The following ACTR8 variants were observed in gnomAD, a reference collection of about 807,000 sequenced individuals.
ACTR8 encodes actin related protein 8.
In ACTR8, 70 loss-of-function variants were observed where a neutral mutation model predicts 84.3. The observed-to-expected ratio is 0.83, with a 90% CI of 0.68 to 1.01. ACTR8 has a LOEUF of 1.01. ACTR8 is among the 50% of genes least tolerant of loss of function. The pLI is 0.00. For synonymous variants in ACTR8, 268 were observed against 275.2 expected (o/e 0.97, Z 0.26); for missense variants, 672 against 775.4 (o/e 0.87, Z 1.58).
At position 53,867,696 on chromosome 3, in the gene ACTR8, C is replaced by G. The variant is rs1699814918; in HGVS notation, c.*1023G>C. On this transcript the variant is annotated 3_prime_UTR_variant, in exon 13 of 13. Coordinates refer to ENST00000335754, the MANE Select transcript of ACTR8 (RefSeq NM_022899.5). ...CCTCCCAGAGCTCTGGGCTCCCAGA[C>G]TGTGTTCCTACCTCTGGACAATGCT... 6.6e-6 allele frequency: 1 copy of G among 152,252 alleles called. No individual in the cohort carries two copies. Among genetic ancestry groups the G allele is most frequent in the Admixed American group, 6.5e-5 (1 of 15,284 alleles). The allele number at this position is 152,252 out of a possible 1,614,324, so 9.4% of individuals were successfully genotyped here.
intron 10 of ACTR8, among the ~76,000 whole-genome samples, chr3:53,871,835 GC>G (rs1184037562): frequency 6.6e-6 from 1 of 152,178 alleles, no homozygotes; most frequent in African/African-American, 2.4e-5. Flanking sequence ...GGATTCATGG[GC>G]CATGACTGTT....
chr3:53,865,462 T>TA (rs1251643285), downstream of ACTR8: 3 of 566,312 alleles, frequency 5.3e-6, no homozygotes, highest in African/African-American at 1.9e-5. Context: ...TATTGCTAAC[T>TA]AATGTAGCAT....
the ACTR8 span, chr3:53,859,676 G>A: frequency 6.5e-6 from 1 of 153,784 alleles, no homozygotes; most frequent in African/African-American, 2.4e-5. Context: ...TTCCTACTGT[G>A]AAAATGCCGG....
downstream of ACTR8, chr3:53,864,954 A>G (rs1699727153): frequency 2.5e-6 from 4 of 1,614,072 alleles, no homozygotes; most frequent in Admixed American, 3.3e-5. Flanking sequence ...TTGCCACTCA[A>G]AAGAAGGCAG....
In ACTR8 at chr3:53,877,310, G is replaced by T. The variant is rs747219601; in HGVS notation, c.588C>A (p.Gly196=). 46 of 1,614,014 alleles carry T rather than the reference G, an allele frequency of 2.9e-5. No individual in the cohort carries two copies. Among genetic ancestry groups the T allele is most frequent in the Non-Finnish European group, 3.8e-5 (45 of 1,179,908 alleles). ...IRRGQLNIHP[G]PGGSLTAVLA... ...GAACAGCTGTAAGAGAGCCCCCAGG[G>T]CCTGGGTGAATATTTAACTGACCTC... is the stretch of plus-strand genomic sequence containing the variant. The change falls in exon 5 of 13, where the codon GGC becomes GGA. Residue 196 remains glycine, a synonymous_variant. Coordinates refer to ENST00000335754, the MANE Select transcript of ACTR8 (RefSeq NM_022899.5).
At chr3:53,877,152 C>T (rs1298918751) in intron 5 of ACTR8, 62 bp downstream of exon 5, 27 of 1,467,476 alleles carry the variant, frequency 1.8e-5, no homozygotes, top group East Asian at 4.7e-5. Context: ...AACTCGGTAA[C>T]GTGTACTTTC....
At chr3:53,872,565 A>G in intron 9 of ACTR8, 41 bp from the exon 10 acceptor site, 1 of 1,520,266 alleles carries the variant, frequency 6.6e-7, no homozygotes, top group South Asian at 1.3e-5. Context: ...AAGATACTGC[A>G]TCCTGAAAAA....
chr3:53,866,533 G>A (rs1249772002), downstream of ACTR8, among the ~76,000 whole-genome samples: 2 of 151,448 alleles, frequency 1.3e-5, no homozygotes, highest in Non-Finnish European at 2.9e-5. Flanking sequence ...CCAGGCTGGA[G>A]TGCAGTGGCG....
chr3:53,870,374 C>G lies in ACTR8; in HGVS notation c.1568-229G>C. 2 of 536,514 alleles carry G rather than the reference C, an allele frequency of 3.7e-6. No individual in the cohort carries two copies. The highest frequency in any genetic ancestry group is 3.4e-5 in the Admixed American group (1 of 29,814). The allele number at this position is 536,514 out of a possible 1,614,324, so 33.2% of individuals were successfully genotyped here. On this transcript the variant is annotated intron_variant, in intron 11 of 12. Transcript: ENST00000335754. This position sits in a 1 kb window ranked among gnomAD's most constrained non-coding sequence, Gnocchi z 4.1. ...TAGGATCAAAATCTTTAAAGGAGGC[C>G]GAGCATGGTGGCTCACGCCTGTAAT... is the stretch of plus-strand genomic sequence containing the variant.
In ACTR8 at chr3:53,868,838, A is replaced by G. The variant is rs1265508761; in HGVS notation, c.1756T>C (p.Trp586Arg). 1 of 1,614,112 alleles carries G rather than the reference A, an allele frequency of 6.2e-7. No individual in the cohort carries two copies. Among genetic ancestry groups the G allele is most frequent in the Admixed American group, 1.7e-5 (1 of 60,016 alleles). The change falls in exon 13 of 13, where the codon TGG (tryptophan) becomes CGG (arginine). Residue 586 changes from tryptophan to arginine, a missense_variant. Coordinates refer to ENST00000335754, the MANE Select transcript of ACTR8 (RefSeq NM_022899.5). Reference protein sequence around the residue: ...PKDMDPRLIAWKGGAVLACLD... With the variant: ...PKDMDPRLIARKGGAVLACLD... ...CAAGCCAACACTGCCCCTCCTTTCC[A>G]TGCAATCAGCCGGGGGTCCATGTCC...
rs759549466 is a variant in ACTR8, at chr3:53,877,201, G to A, written c.684+13C>T. On this transcript the variant is annotated intron_variant, in intron 5 of 12. Coordinates refer to ENST00000335754, the MANE Select transcript of ACTR8 (RefSeq NM_022899.5). Reference sequence around the variant, plus strand: ...CTTAAAAACAATCCAAATAACTGAGGATTTTAGCTCACCTTTAAATCTTTC... The same window carrying A: ...CTTAAAAACAATCCAAATAACTGAGAATTTTAGCTCACCTTTAAATCTTTC... 3 of 1,583,444 alleles carry A rather than the reference G, an allele frequency of 1.9e-6. No individual in the cohort carries two copies. Among genetic ancestry groups the A allele is most frequent in the East Asian group, 2.3e-5 (1 of 44,230 alleles).
chr3:53,871,497 C>T lies in ACTR8; in HGVS notation c.1303-1G>A. 1 of 1,613,742 alleles carries T rather than the reference C, an allele frequency of 6.2e-7. No homozygotes were observed. Among genetic ancestry groups the T allele is most frequent in the Non-Finnish European group, 8.5e-7 (1 of 1,179,894 alleles). On this transcript the variant is annotated splice_acceptor_variant, in intron 10 of 12. Transcript: ENST00000335754. LOFTEE classifies it high-confidence loss of function. ...TTCGGTCAGCAGTAGCTTTTGCAGA[C>T]TTTAAATCAAAAGGACAATCAAGTA... is the stretch of plus-strand genomic sequence containing the variant.
Position 53,872,532 on chromosome 3 carries a change from T to G in ACTR8, c.1162-8A>C. ...AAACAAAGCCATTGGAGCCTGTACATGAAGAAAAAGAGTGATCAACAAAAG... is the reference window on the plus strand; with the variant it reads ...AAACAAAGCCATTGGAGCCTGTACAGGAAGAAAAAGAGTGATCAACAAAAG... On this transcript the variant is annotated splice_region_variant and splice_polypyrimidine_tract_variant and intron_variant, in intron 9 of 12. Transcript: ENST00000335754. 1.3e-6 allele frequency: 2 copies of G among 1,580,902 alleles called. No individual in the cohort carries two copies. Among genetic ancestry groups the G allele is most frequent in the Non-Finnish European group, 8.6e-7 (1 of 1,169,020 alleles).
downstream of ACTR8, among the ~76,000 whole-genome samples, chr3:53,864,467 G>C (rs539023684): frequency 2.0e-5 from 3 of 152,114 alleles, no homozygotes; most frequent in South Asian, 6.2e-4. Flanking sequence ...CCCAGGAGGC[G>C]GAGGTTGTAG....
At chr3:53,863,821 A>AT (rs11318618), downstream of ACTR8, among the ~76,000 whole-genome samples, 18,197 of 138,132 alleles carry the variant, frequency 0.13, 1,315 homozygotes, top group South Asian at 0.18. Context: ...ACCTCAAAGT[A>AT]TTTTTTTTTT....
rs80336475 is a variant in ACTR8, at chr3:53,882,075, C to T, written c.27G>A (p.Thr9=). The T allele has an allele frequency of 3.2e-4, 499 of 1,551,666 alleles. 4 individuals are homozygous for T. In the African/African-American group the frequency reaches 6.1e-3, roughly 19 times the overall value. The change falls in exon 1 of 13, where the codon ACG becomes ACA. Residue 9 remains threonine, a synonymous_variant. Coordinates refer to ENST00000335754, the MANE Select transcript of ACTR8 (RefSeq NM_022899.5). MTQAEKGD[T]ENGKEKGGEK... is the part of the protein sequence containing the mutation. ...CGCCGCCCTTCTCCTTTCCGTTCTC[C>T]GTATCACCCTTCTCAGCCTGGGTCA...
chr3:53,864,449 G>T (rs1350331971), downstream of ACTR8, among the ~76,000 whole-genome samples: 2 of 152,054 alleles, frequency 1.3e-5, no homozygotes, highest in African/African-American at 4.8e-5. Flanking sequence ...GCAGGAGAAT[G>T]GCGTGAACCC....
Position 53,869,871 on chromosome 3 carries a change from G to A in ACTR8, c.1731+111C>T, listed in dbSNP as rs1432294375. 3.9e-6 allele frequency: 5 copies of A among 1,284,694 alleles called. No individual in the cohort carries two copies. The African/African-American group carries it at 7.5e-5, about 19-fold the overall frequency. The allele number at this position is 1,284,694 out of a possible 1,614,324, so 79.6% of individuals were successfully genotyped here. On this transcript the variant is annotated intron_variant, in intron 12 of 12. Transcript: ENST00000335754. ...AAATTAACTTTTCCACTTGCCCTAA[G>A]CCCTCAAGAACTCCTCAGACACAAG...
rs749041565 is a variant in ACTR8 at position 53,878,473 on chromosome 3, G to GA, written c.295-7dup. The GA allele has an allele frequency of 9.0e-6, 14 of 1,559,668 alleles. No individual in the cohort carries two copies. Among genetic ancestry groups the GA allele is most frequent in the South Asian group, 1.1e-5 (1 of 88,542 alleles). On this transcript the variant is annotated splice_polypyrimidine_tract_variant and splice_region_variant and intron_variant, in intron 2 of 12. Coordinates refer to ENST00000335754, the MANE Select transcript of ACTR8 (RefSeq NM_022899.5). The stretch of plus-strand genomic sequence containing the variant: ...TGTTCATTACTTTCTGGTTTCTGGG[G>GA]AAAAAATGAAAGATGAGCAGTACAA...
Sources: gnomAD v4.1 joint callset for allele counts (sites outside exome capture counted in the v4.1 genomes callset) on GRCh38, gnomAD v4.1.1 for gene constraint, Gnocchi (gnomAD v3.1) non-coding constraint, MANE v1.5 for transcripts, NCBI Gene and HGNC (gene_info 2026-07-23, HGNC 2026-07-21) for gene names.